KIRREL3: variants seen among roughly 807,000 people sequenced by gnomAD.
The protein encoded by KIRREL3 is kirre like nephrin family adhesion molecule 3.
In KIRREL3, 36 loss-of-function variants were observed where a neutral mutation model predicts 89.7. The observed-to-expected ratio is 0.40, with a 90% confidence interval of 0.31 to 0.53. KIRREL3 has a LOEUF of 0.53. Among genes scored for constraint, KIRREL3 ranks in the 20% least tolerant of loss-of-function variants. The pLI is 0.49. For missense variants in KIRREL3, 864 were observed against 1,056.6 expected, an observed-to-expected ratio of 0.82 and a Z score of 2.53; for synonymous variants, 445 against 441.4, an observed-to-expected ratio of 1.01 and a Z score of -0.10.
At position 126,538,521 on chromosome 11, in the gene KIRREL3, T is replaced by C. The variant is rs1275701418; in HGVS notation, c.134-11834A>G. 3.3e-5 allele frequency among the ~76,000 whole-genome samples: 5 copies of C among 152,220 alleles called. No homozygotes were observed. The East Asian group carries it at 9.6e-4, about 29-fold the overall frequency. ...GAAACCCAAGTCTTGAATTCTGCTG[T>C]GTTCCTGCTGCTCAGCACAGGGCCA... On this transcript the variant is annotated intron_variant, in intron 2 of 16. Transcript: ENST00000525144.
Position 126,639,824 on chromosome 11 carries a change from G to A in KIRREL3, c.56-76912C>T, listed in dbSNP as rs1475177295. On this transcript the variant is annotated intron_variant, in intron 1 of 16. Transcript: ENST00000525144. The surrounding 1 kb of genome is among the most constrained non-coding windows in gnomAD (Gnocchi z 4.3). ...AAGGAGCTAAACTCATTTCAGGTTT[G>A]ACCTCTGTGGCTGGGATCTGAGAAG... Among the ~76,000 whole-genome samples the A allele has an allele frequency of 1.3e-5, 2 of 152,174 alleles. No homozygotes were observed. The highest frequency in any genetic ancestry group is 2.9e-5 in the Non-Finnish European group (2 of 68,032).
At chr11:126,460,427 C>T (rs1365616084) in intron 6 of KIRREL3, among the ~76,000 whole-genome samples, 1 of 152,122 alleles carries the variant, frequency 6.6e-6, no homozygotes, top group Non-Finnish European at 1.5e-5. Flanking sequence ...AGGAGGAAAT[C>T]GGGGCACAAG....
Position 126,797,599 on chromosome 11 carries a change from C to T in KIRREL3, c.55+202856G>A, listed in dbSNP as rs1044017968. On this transcript the variant is annotated intron_variant, in intron 1 of 16. Transcript: ENST00000525144. This position sits in a 1 kb window ranked among gnomAD's most constrained non-coding sequence, Gnocchi z 4.9. ...CACTTAGTCCCAATCTACTCCACAG[C>T]CTGTGACAGCTGGGGCTGTGTGATG... is the stretch of plus-strand genomic sequence containing the variant. Among the ~76,000 whole-genome samples, 1 of 152,124 alleles carries T rather than the reference C, an allele frequency of 6.6e-6. No individual in the cohort carries two copies.
At chr11:126,858,138 T>A (rs1486053468) in intron 1 of KIRREL3, among the ~76,000 whole-genome samples, 1 of 152,132 alleles carries the variant, frequency 6.6e-6, no homozygotes, top group Non-Finnish European at 1.5e-5. Flanking sequence ...AGCAATTTGG[T>A]CCATTTCAAC....
At position 126,606,530 on chromosome 11, in the gene KIRREL3, T is replaced by C. The variant is rs1942896777; in HGVS notation, c.56-43618A>G. The stretch of plus-strand genomic sequence containing the variant: ...AGGGAAGTCCGGGCTCTCTGGGAAC[T>C]GCCTTCCACATTTCCCCACCTTAGG... On this transcript the variant is annotated intron_variant, in intron 1 of 16. Transcript: ENST00000525144. This position sits in a 1 kb window ranked among gnomAD's most constrained non-coding sequence, Gnocchi z 4.6. 6.6e-6 allele frequency among the ~76,000 whole-genome samples: 1 copy of C among 152,182 alleles called. No individual in the cohort carries two copies. Among genetic ancestry groups the C allele is most frequent in the African/African-American group, 2.4e-5 (1 of 41,448 alleles).
At chr11:126,871,107 T>C (rs1945093595) in intron 1 of KIRREL3, among the ~76,000 whole-genome samples, 1 of 152,196 alleles carries the variant, frequency 6.6e-6, no homozygotes, top group South Asian at 2.1e-4. Context: ...AATGGACTCT[T>C]CGGAATCAGT....
rs918281965 is a variant in KIRREL3 at position 126,611,844 on chromosome 11, A to G, written c.56-48932T>C. Among the ~76,000 whole-genome samples, 6 of 152,184 alleles carry G rather than the reference A, an allele frequency of 3.9e-5. No homozygotes were observed. The highest frequency in any genetic ancestry group is 7.4e-5 in the Non-Finnish European group (5 of 68,026). ...TTGGCTGGACCCATCAGGCTGGAAC[A>G]CCAGATTCTTAATCAACTGTAGGTG... On this transcript the variant is annotated intron_variant, in intron 1 of 16. Transcript: ENST00000525144. The surrounding 1 kb of genome is among the most constrained non-coding windows in gnomAD (Gnocchi z 4.7).
intron 1 of KIRREL3, among the ~76,000 whole-genome samples, chr11:126,930,124 CT>C (rs1947885143): frequency 1.3e-5 from 2 of 151,670 alleles, no homozygotes; most frequent in South Asian, 4.2e-4. Context: ...AAACTCTTCA[CT>C]CCCCCCTGCA....
At chr11:126,853,207 A>G (rs960261078) in intron 1 of KIRREL3, among the ~76,000 whole-genome samples, 1 of 152,174 alleles carries the variant, frequency 6.6e-6, no homozygotes, top group Non-Finnish European at 1.5e-5. Flanking sequence ...GTGTCTCTCA[A>G]TCCTTCTACT....
intron 1 of KIRREL3, among the ~76,000 whole-genome samples, chr11:126,580,467 G>A (rs1941484604): frequency 6.6e-6 from 1 of 152,152 alleles, no homozygotes; most frequent in Admixed American, 6.5e-5. Flanking sequence ...GTTGCGATGG[G>A]CAAGGGGGTC....
rs574469013 is a variant in KIRREL3 at position 126,925,681 on chromosome 11, C to A, written c.55+74774G>T. ...AGCATCCCGGAGCCACTTCCAGGGA[C>A]TGGGTTAAGGTGAGAACGTTGTGGT... On this transcript the variant is annotated intron_variant, in intron 1 of 16. Coordinates refer to ENST00000525144, the MANE Select transcript of KIRREL3 (RefSeq NM_032531.4). Among the ~76,000 whole-genome samples the A allele has an allele frequency of 1.3e-4, 20 of 152,336 alleles. No individual in the cohort carries two copies. The South Asian group carries it at 3.9e-3, about 30-fold the overall frequency.
At chr11:126,889,907 C>A (rs12577706) in intron 1 of KIRREL3, among the ~76,000 whole-genome samples, 1 of 152,118 alleles carries the variant, frequency 6.6e-6, no homozygotes, top group Non-Finnish European at 1.5e-5. Flanking sequence ...TAACATTCTT[C>A]GCCTTTCTTC....
Position 126,471,094 on chromosome 11 carries a change from A to G in KIRREL3, c.591+2215T>C, listed in dbSNP as rs1956876374. On this transcript the variant is annotated intron_variant, in intron 5 of 16. Transcript: ENST00000525144. The surrounding 1 kb of genome is among the most constrained non-coding windows in gnomAD (Gnocchi z 5.4). ...AGTTTGCGGCCGGGCGCAGTGGCTC[A>G]GTCCTGTAATCCCAGCACTTTGGGA... Among the ~76,000 whole-genome samples, 1 of 152,180 alleles carries G rather than the reference A, an allele frequency of 6.6e-6. No homozygotes were observed. Among genetic ancestry groups the G allele is most frequent in the Non-Finnish European group, 1.5e-5 (1 of 68,026 alleles).
chr11:126,699,837 A>G (rs1947244011), intron 1 of KIRREL3, among the ~76,000 whole-genome samples: 1 of 152,184 alleles, frequency 6.6e-6, no homozygotes, highest in South Asian at 2.1e-4. Flanking sequence ...ACACTTTCAC[A>G]TACATTATCT....
In KIRREL3 at chr11:126,912,131, G is replaced by A. The variant is rs944440147; in HGVS notation, c.55+88324C>T. Among the ~76,000 whole-genome samples, 21 of 152,096 alleles carry A rather than the reference G, an allele frequency of 1.4e-4. No homozygotes were observed. Among genetic ancestry groups the A allele is most frequent in the East Asian group, 3.9e-4 (2 of 5,178 alleles). On this transcript the variant is annotated intron_variant, in intron 1 of 16. Transcript: ENST00000525144. The surrounding 1 kb of genome is among the most constrained non-coding windows in gnomAD (Gnocchi z 4.7). Reference sequence around the variant, plus strand: ...CTGGCAGTCTGGAAGCCTAGATGTCGTGAATCAAGCCTCTGGCAAGGACAG... The same window carrying A: ...CTGGCAGTCTGGAAGCCTAGATGTCATGAATCAAGCCTCTGGCAAGGACAG...
intron 1 of KIRREL3, among the ~76,000 whole-genome samples, chr11:126,737,871 C>G (rs1020269154): frequency 1.2e-4 from 18 of 152,312 alleles, no homozygotes; most frequent in African/African-American, 4.1e-4. Flanking sequence ...GTGTTAGAAA[C>G]ATTCCAATTC....
chr11:126,745,645 G>GA (rs1261310169), intron 1 of KIRREL3, among the ~76,000 whole-genome samples: 1 of 152,290 alleles, frequency 6.6e-6, no homozygotes, highest in African/African-American at 2.4e-5. Flanking sequence ...GGGGAGATAA[G>GA]AAAAAAGGTA....
Position 126,569,710 on chromosome 11 carries a change from G to T in KIRREL3, c.56-6798C>A, listed in dbSNP as rs1293198682. ...ACTGCAGGAGTCCCCAGGAGGAAAAGACAGCTTCAGGCTGTGGGATGGTGA... is the reference window on the plus strand; with the variant it reads ...ACTGCAGGAGTCCCCAGGAGGAAAATACAGCTTCAGGCTGTGGGATGGTGA... On this transcript the variant is annotated intron_variant, in intron 1 of 16. Coordinates refer to ENST00000525144, the MANE Select transcript of KIRREL3 (RefSeq NM_032531.4). This position sits in a 1 kb window ranked among gnomAD's most constrained non-coding sequence, Gnocchi z 6.5. Among the ~76,000 whole-genome samples the T allele has an allele frequency of 6.6e-6, 1 of 152,222 alleles. No homozygotes were observed. Among genetic ancestry groups the T allele is most frequent in the Non-Finnish European group, 1.5e-5 (1 of 68,032 alleles).
intron 1 of KIRREL3, among the ~76,000 whole-genome samples, chr11:126,950,302 G>A (rs978069317): frequency 6.6e-6 from 1 of 152,120 alleles, no homozygotes; most frequent in African/African-American, 2.4e-5. Flanking sequence ...GGGAGACGGA[G>A]ATTGCAGTGA....
Sources: gnomAD v4.1 joint callset for allele counts (sites outside exome capture counted in the v4.1 genomes callset) on GRCh38, gnomAD v4.1.1 for gene constraint, Gnocchi (gnomAD v3.1) non-coding constraint, MANE v1.5 for transcripts, NCBI Gene and HGNC (gene_info 2026-07-23, HGNC 2026-07-21) for gene names.